The following SPECC1L variants were observed in gnomAD, a reference collection of about 807,000 sequenced individuals.
SPECC1L encodes cytospin-A.
In SPECC1L, 40 loss-of-function variants were observed where a neutral mutation model predicts 116.8. The ratio of observed to expected loss-of-function variants is 0.34; its 90% CI spans 0.27 to 0.45. The LOEUF (loss-of-function observed/expected upper bound fraction) is 0.45. SPECC1L is among the 20% of genes least tolerant of loss of function. SPECC1L has a pLI of 1.00. For missense variants in SPECC1L, 1,110 were observed against 1,373.6 expected, an observed-to-expected ratio of 0.81 and a Z score of 3.03; for synonymous variants, 504 against 500.6, an observed-to-expected ratio of 1.01 and a Z score of -0.09.
intron 3 of SPECC1L, among the ~76,000 whole-genome samples, chr22:24,304,166 T>G (rs996754597): frequency 6.6e-6 from 1 of 152,088 alleles, no homozygotes; most frequent in African/African-American, 2.4e-5. Flanking sequence ...CATGGAGCAT[T>G]GATGATTAAC....
chr22:24,292,425 G>A (rs2049172062), intron 2 of SPECC1L, among the ~76,000 whole-genome samples: 1 of 152,136 alleles, frequency 6.6e-6, no homozygotes, highest in African/African-American at 2.4e-5. Context: ...TGGGATATCA[G>A]GAGTTATGTT....
chr22:24,401,554 T>A (rs1200562101), intron 14 of SPECC1L, among the ~76,000 whole-genome samples: 1 of 152,246 alleles, frequency 6.6e-6, no homozygotes, highest in East Asian at 1.9e-4. Flanking sequence ...GCTGTTCAGC[T>A]GCCTTGACTA....
At chr22:24,387,752 C>G (rs948032742) in intron 14 of SPECC1L, among the ~76,000 whole-genome samples, 1 of 152,108 alleles carries the variant, frequency 6.6e-6, no homozygotes, top group African/African-American at 2.4e-5. Flanking sequence ...AATGTAGTAG[C>G]TAAAACAACA....
At chr22:24,337,155 C>T (rs560218647) in intron 9 of SPECC1L, among the ~76,000 whole-genome samples, 1 of 152,126 alleles carries the variant, frequency 6.6e-6, no homozygotes, top group East Asian at 1.9e-4. Context: ...CAGCTCTGCT[C>T]ACAATAGCTA....
rs1569420143 is a variant in SPECC1L at position 24,321,762 on chromosome 22, A to G, written c.782A>G (p.Lys261Arg). ...ATCCGTGAAGAACTCAACCAGCTGA[A>G]AAATGAAAACAGAATGTTAAAGGAC... ...TAIREELNQLKNENRMLKDRL... is the reference protein window; with the variant it reads ...TAIREELNQLRNENRMLKDRL... The change falls in exon 5 of 17, where the codon AAA (lysine) becomes AGA (arginine). Residue 261 changes from lysine (K) to arginine (R), a missense_variant. Lys to Arg is a conservative substitution (Grantham distance 26). This residue lies in a region of SPECC1L where 437 missense variants were observed against 482.6 expected (regional missense o/e 0.91). Transcript: ENST00000314328. 2.5e-6 allele frequency: 4 copies of G among 1,614,144 alleles called. No individual in the cohort carries two copies. The highest frequency in any genetic ancestry group is 3.4e-6 in the Non-Finnish European group (4 of 1,180,062).
At chr22:24,283,420 G>A (rs763712292) in intron 2 of SPECC1L, among the ~76,000 whole-genome samples, 36 of 152,164 alleles carry the variant, frequency 2.4e-4, no homozygotes, top group Non-Finnish European at 4.9e-4. Flanking sequence ...TTGCATTTGT[G>A]GGATAAACCC....
intron 2 of SPECC1L, among the ~76,000 whole-genome samples, chr22:24,285,683 G>A (rs946034830): frequency 4.0e-5 from 6 of 151,462 alleles, no homozygotes; most frequent in African/African-American, 9.7e-5. Flanking sequence ...TTGCTCTGTC[G>A]CCCAGGCTGG....
rs201029413 is a variant in SPECC1L at position 24,334,429 on chromosome 22, C to T, written c.2416C>T (p.Arg806Trp). The T allele has an allele frequency of 9.3e-6, 15 of 1,614,030 alleles. No homozygotes were observed. The highest frequency in any genetic ancestry group is 5.5e-5 in the South Asian group (5 of 91,072). The change falls in exon 9 of 17, where the codon CGG (arginine) becomes TGG (tryptophan). Residue 806 changes from arginine to tryptophan, a missense_variant. Around this residue, in one of 4 missense-constraint regions of SPECC1L, gnomAD observed 575 missense variants for 682.4 expected, o/e 0.84. Coordinates refer to ENST00000314328, the MANE Select transcript of SPECC1L (RefSeq NM_015330.6). The part of the protein sequence containing the change: ...KSRKQEEERG[R>W]VYNYMNAVER... ...TTTCAGGCAAGAGGAGGAGCGAGGC[C>T]GGGTATACAATTACATGAATGCCGT... is the stretch of plus-strand genomic sequence containing the variant.
intron 14 of SPECC1L, among the ~76,000 whole-genome samples, chr22:24,389,782 G>A (rs1301486580): frequency 1.3e-5 from 2 of 152,030 alleles, no homozygotes. Flanking sequence ...AGACAAATAG[G>A]AGAAAAAGGA....
At chr22:24,375,268 A>G (rs994271705) in intron 14 of SPECC1L, among the ~76,000 whole-genome samples, 2 of 152,204 alleles carry the variant, frequency 1.3e-5, no homozygotes, top group Non-Finnish European at 2.9e-5. Flanking sequence ...ATTAATAGCA[A>G]TACTTCTCAA....
At chr22:24,297,285 G>A (rs1176030222) in intron 2 of SPECC1L, among the ~76,000 whole-genome samples, 6 of 151,118 alleles carry the variant, frequency 4.0e-5, no homozygotes, top group Non-Finnish European at 5.9e-5. Context: ...GTTTAAGGCC[G>A]AACCTATAAC....
chr22:24,296,523 A>C (rs959324865), intron 2 of SPECC1L, among the ~76,000 whole-genome samples: 1 of 152,260 alleles, frequency 6.6e-6, no homozygotes, highest in African/African-American at 2.4e-5. Context: ...TTCCTGGACT[A>C]GAGGTCTCAG....
At chr22:24,346,944 T>C in intron 10 of SPECC1L, 142 bp from the exon 11 acceptor site, 2 of 725,482 alleles carry the variant, frequency 2.8e-6, no homozygotes, top group Non-Finnish European at 5.0e-6. Flanking sequence ...AGTCCATGCC[T>C]GTAAGGTGTG....
intron 3 of SPECC1L, among the ~76,000 whole-genome samples, chr22:24,311,842 C>G (rs2040467405): frequency 6.6e-6 from 1 of 150,376 alleles, no homozygotes; most frequent in South Asian, 2.1e-4. Context: ...TATGAACAGT[C>G]CTTGAAATTA....
At chr22:24,391,553 CA>C (rs2042274682) in intron 14 of SPECC1L, among the ~76,000 whole-genome samples, 1 of 152,176 alleles carries the variant, frequency 6.6e-6, no homozygotes, top group African/African-American at 2.4e-5. Context: ...GCCTTGTATA[CA>C]GCACCAGTCC....
chr22:24,398,380 C>G (rs1475963966), intron 14 of SPECC1L, among the ~76,000 whole-genome samples: 1 of 152,208 alleles, frequency 6.6e-6, no homozygotes, highest in African/African-American at 2.4e-5. Flanking sequence ...CACAGTCCTA[C>G]AGGCAGTACA....
rs34468089 is a variant in SPECC1L, at chr22:24,417,725, C to CT, written c.*3108dup. 1.3e-5 allele frequency: 2 copies of CT among 152,304 alleles called. No individual in the cohort carries two copies. Among genetic ancestry groups the CT allele is most frequent in the African/African-American group, 4.8e-5 (2 of 41,558 alleles). The allele number at this position is 152,304 out of a possible 1,614,324, so 9.4% of individuals were successfully genotyped here. ...TCCTACCCAGAGGCAACCAGATAAA[C>CT]TTTTTTGCCTGTGCATTGTTTTTTG... On this transcript the variant is annotated 3_prime_UTR_variant, in exon 17 of 17. Transcript: ENST00000314328.
rs896205068 is a variant in SPECC1L at position 24,321,343 on chromosome 22, T to A, written c.363T>A (p.Ser121=). 9 of 1,614,264 alleles carry A rather than the reference T, an allele frequency of 5.6e-6. No homozygotes were observed. The highest frequency in any genetic ancestry group is 7.6e-6 in the Non-Finnish European group (9 of 1,180,040). The change falls in exon 5 of 17, where the codon TCT becomes TCA. Residue 121 remains serine, a synonymous_variant. Transcript: ENST00000314328. ...CTACAGGTAATAAAGAATCCAGTTC[T>A]ACTAGAGAAAGATTACGTGAACGTA... ...STSTGNKESS[S]TRERLRERTR... is the part of the protein sequence containing the mutation.
At chr22:24,276,016 A>C (rs1034048035) in intron 1 of SPECC1L, among the ~76,000 whole-genome samples, 1 of 151,810 alleles carries the variant, frequency 6.6e-6, no homozygotes, top group African/African-American at 2.4e-5. Context: ...CCCAGCCTAA[A>C]CTTTTTTTTT....
Sources: gnomAD v4.1 joint callset for allele counts (sites outside exome capture counted in the v4.1 genomes callset) on GRCh38, gnomAD v4.1.1 for gene constraint, gnomAD v4.1.1 regional missense constraint, MANE v1.5 for transcripts, NCBI Gene and HGNC (gene_info 2026-07-23, HGNC 2026-07-21) for gene names.